The following IFNAR2 variants were observed in gnomAD, a reference collection of about 807,000 sequenced individuals.
IFNAR2 encodes the protein interferon alpha/beta receptor 2.
A neutral mutation model predicts 49.4 loss-of-function variants in IFNAR2; 30 were observed. That is an observed-to-expected ratio of 0.61 (90% confidence interval 0.45 to 0.82). IFNAR2 has a LOEUF of 0.82. IFNAR2 is among the 40% of genes least tolerant of loss of function. The pLI, the probability that IFNAR2 is intolerant of heterozygous loss-of-function variation, is 0.00. For synonymous variants in IFNAR2, 224 were observed against 234.5 expected (o/e 0.96, Z 0.41); for missense variants, 600 against 622.7 (o/e 0.96, Z 0.39).
chr21:33,243,694 G>A lies in IFNAR2; in HGVS notation c.77G>A (p.Gly26Asp). 6.2e-7 allele frequency: 1 copy of A among 1,613,406 alleles called. No individual in the cohort carries two copies. Among genetic ancestry groups the A allele is most frequent in the Non-Finnish European group, 8.5e-7 (1 of 1,179,416 alleles). Residue 26 changes from glycine (G) to aspartate (D), a missense_variant, in exon 3 of 9, where the codon GGT becomes GAT. Gly to Asp is a moderately conservative substitution (Grantham distance 94). Transcript: ENST00000342136. ...CTAGTGTATATCAGCCTCGTGTTTGGTATTTCATATGATTCGCCTGGTAAG... is the reference window on the plus strand; with the variant it reads ...CTAGTGTATATCAGCCTCGTGTTTGATATTTCATATGATTCGCCTGGTAAG... Reference protein sequence around the residue: ...VLMVYISLVFGISYDSPDYTD... With the variant: ...VLMVYISLVFDISYDSPDYTD...
Position 33,230,669 on chromosome 21 carries a change from G to A in IFNAR2, c.-84+453G>A, listed in dbSNP as rs2067552378. The A allele has an allele frequency of 4.4e-6, 2 of 458,004 alleles. No homozygotes were observed. The highest frequency in any genetic ancestry group is 4.5e-6 in the Non-Finnish European group (1 of 220,546). The allele number at this position is 458,004 out of a possible 1,614,324, so 28.4% of individuals were successfully genotyped here. A position where few individuals can be genotyped will look rare whatever the true frequency, so the allele number is the denominator to read the frequency against. The stretch of plus-strand genomic sequence containing the variant: ...GGGATCTCCAGCCCGCCCCCTTGAG[G>A]TCCCCTGGGATTAGCCCCCCTCGAC... On this transcript the variant is annotated intron_variant, in intron 1 of 8. Transcript: ENST00000342136. This position sits in a 1 kb window ranked among gnomAD's most constrained non-coding sequence, Gnocchi z 5.5.
intron 1 of IFNAR2, among the ~76,000 whole-genome samples, chr21:33,232,678 G>A (rs1169463906): frequency 6.6e-6 from 1 of 150,836 alleles, no homozygotes; most frequent in African/African-American, 2.4e-5. Flanking sequence ...AGAGGAAACT[G>A]AATCACAACA....
chr21:33,233,362 GA>G (rs1490209737), intron 1 of IFNAR2, among the ~76,000 whole-genome samples: 5 of 152,038 alleles, frequency 3.3e-5, no homozygotes, highest in Non-Finnish European at 7.4e-5. Context: ...CAACAAATGG[GA>G]CAGAAAATTC....
intron 1 of IFNAR2, among the ~76,000 whole-genome samples, chr21:33,238,320 CAT>C (rs928626291): frequency 1.3e-5 from 2 of 150,580 alleles, no homozygotes; most frequent in Non-Finnish European, 3.0e-5. Flanking sequence ...CCTAAACTGT[CAT>C]GGTAAATTCT....
chr21:33,245,587 CAGCCCCTAAGCTA>C (rs1258347047), intron 4 of IFNAR2, among the ~76,000 whole-genome samples: 1 of 152,244 alleles, frequency 6.6e-6, no homozygotes, highest in Non-Finnish European at 1.5e-5. Context: ...GCACGGACCT[CAGCCCCTAAGCTA>C]ATGCCTCTGC....
chr21:33,251,795 G>A (rs1283259400), intron 6 of IFNAR2: 2 of 984,516 alleles, frequency 2.0e-6, no homozygotes, highest in African/African-American at 3.5e-5. Context: ...GTGTTTAAAG[G>A]GAGATGGCTG....
chr21:33,233,010 A>T, intron 1 of IFNAR2: 1 of 862,844 alleles, frequency 1.2e-6, no homozygotes, highest in Non-Finnish European at 1.4e-6. Context: ...GAACAGAAGA[A>T]ATTCATTACC....
Position 33,234,557 on chromosome 21 carries a change from CTA to C in IFNAR2, c.-84+4343_-84+4344del, listed in dbSNP as rs144938513. Among the ~76,000 whole-genome samples the C allele has an allele frequency of 9.2e-3, 1,401 of 152,258 alleles. 18 individuals carry two copies. The highest frequency in any genetic ancestry group is 0.03 in the African/African-American group (1,262 of 41,534). On this transcript the variant is annotated intron_variant, in intron 1 of 8. Coordinates refer to ENST00000342136, the MANE Select transcript of IFNAR2 (RefSeq NM_001289125.3). The stretch of plus-strand genomic sequence containing the variant: ...GACACAGCCATACTTTACCAGGAGA[CTA>C]TGAGGCAGCGAGTTCCTGGAGGGTT...
At chr21:33,257,690 G>C (rs1016823511) in intron 7 of IFNAR2, among the ~76,000 whole-genome samples, 2 of 152,176 alleles carry the variant, frequency 1.3e-5, no homozygotes, top group Admixed American at 1.3e-4. Flanking sequence ...AGACAAGAAA[G>C]TTCCCTAAGT....
At chr21:33,231,016 TA>T (rs1178691220) in intron 1 of IFNAR2, among the ~76,000 whole-genome samples, 2 of 152,064 alleles carry the variant, frequency 1.3e-5, no homozygotes, top group African/African-American at 4.8e-5. Context: ...TTTTTTTTTT[TA>T]TTTCCTTGTT....
intron 6 of IFNAR2, chr21:33,252,364 A>T: frequency 1.1e-6 from 1 of 890,316 alleles, no homozygotes; most frequent in South Asian, 1.9e-5. Flanking sequence ...TCTTGTAAAA[A>T]TGACGTCACA....
chr21:33,250,640 C>G (rs1276638384), intron 6 of IFNAR2, among the ~76,000 whole-genome samples: 3 of 152,128 alleles, frequency 2.0e-5, no homozygotes, highest in African/African-American at 7.2e-5. Flanking sequence ...CGGGTTCAAG[C>G]CATTCTCCTG....
At chr21:33,241,705 C>G (rs993757029) in intron 1 of IFNAR2, 135 bp from the exon 2 acceptor site, 3 of 486,984 alleles carry the variant, frequency 6.2e-6, no homozygotes, top group Admixed American at 8.7e-5. Flanking sequence ...AAAATTCCTC[C>G]CAGACTAGGT....
chr21:33,246,189 G>A (rs1456233563), intron 4 of IFNAR2, among the ~76,000 whole-genome samples: 1 of 151,826 alleles, frequency 6.6e-6, no homozygotes, highest in Non-Finnish European at 1.5e-5. Flanking sequence ...TCCTGCCTCA[G>A]CCTCCCAAGT....
rs769970671 is a variant in IFNAR2 at position 33,252,702 on chromosome 21, C to T, written c.581C>T (p.Thr194Ile). ...AAAGGAAACATGAGTGGAAATTTCA[C>T]CTATATCATTGACAAGTTAATTCCA... Reference protein sequence around the residue: ...EIKGNMSGNFTYIIDKLIPNT... With the variant: ...EIKGNMSGNFIYIIDKLIPNT... The change falls in exon 7 of 9, where the codon ACC becomes ATC. Residue 194 changes from threonine to isoleucine, a missense_variant. Transcript: ENST00000342136. 6 of 1,613,736 alleles carry T rather than the reference C, an allele frequency of 3.7e-6. No homozygotes were observed. The East Asian group carries it at 1.3e-4, about 36-fold the overall frequency.
intron 1 of IFNAR2, among the ~76,000 whole-genome samples, chr21:33,239,145 T>C (rs1442396315): frequency 1.3e-5 from 2 of 152,190 alleles, no homozygotes; most frequent in Admixed American, 1.3e-4. Context: ...TTCTGTCTGC[T>C]TCTTCAGACC....
At chr21:33,261,033 TCC>T (rs1290967900) in intron 8 of IFNAR2, among the ~76,000 whole-genome samples, 73 of 139,468 alleles carry the variant, frequency 5.2e-4, no homozygotes, top group African/African-American at 2.0e-3. Flanking sequence ...ATGTTTTCTT[TCC>T]TTTTTTTTTT....
chr21:33,240,114 C>T (rs928917008), intron 1 of IFNAR2, among the ~76,000 whole-genome samples: 1 of 152,248 alleles, frequency 6.6e-6, no homozygotes, highest in Non-Finnish European at 1.5e-5. Context: ...ATTCTATACT[C>T]TCCCTTCTGG....
Position 33,230,040 on chromosome 21 carries a change from C to G in IFNAR2, c.-260C>G, listed in dbSNP as rs1260971973. On this transcript the variant is annotated 5_prime_UTR_variant, in exon 1 of 9. Coordinates refer to ENST00000342136, the MANE Select transcript of IFNAR2 (RefSeq NM_001289125.3). The surrounding 1 kb of genome is among the most constrained non-coding windows in gnomAD (Gnocchi z 5.5). ...CCGGCGAGCCGAACAGTTCCCCGAG[C>G]GCAGCCCGCGGACCACCACCCGGCC... The G allele has an allele frequency of 5.1e-6, 5 of 985,634 alleles. No individual in the cohort carries two copies. Among genetic ancestry groups the G allele is most frequent in the Non-Finnish European group, 6.0e-6 (5 of 830,038 alleles). The allele number at this position is 985,634 out of a possible 1,614,324, so 61.1% of individuals were successfully genotyped here.
Sources: gnomAD v4.1 joint callset for allele counts (sites outside exome capture counted in the v4.1 genomes callset) on GRCh38, gnomAD v4.1.1 for gene constraint, Gnocchi (gnomAD v3.1) non-coding constraint, MANE v1.5 for transcripts, NCBI Gene and HGNC (gene_info 2026-07-23, HGNC 2026-07-21) for gene names.